Variants in PDS5B observed in about 807,000 individuals in gnomAD.
The protein encoded by PDS5B is sister chromatid cohesion protein PDS5 homolog B.
In PDS5B, 51 loss-of-function variants were observed where a neutral mutation model predicts 184.1. That is an observed-to-expected ratio of 0.28 (90% CI 0.22 to 0.35). The LOEUF is 0.35. PDS5B is among the 10% of genes least tolerant of loss of function. PDS5B has a pLI of 1.00. For synonymous variants in PDS5B, 566 were observed against 569.2 expected (o/e 0.99, Z 0.08); for missense variants, 1,180 against 1,723.3 (o/e 0.68, Z 5.58).
intron 19 of PDS5B, among the ~76,000 whole-genome samples, chr13:32,716,153 G>A (rs1307030462): frequency 6.7e-6 from 1 of 148,328 alleles, no homozygotes; most frequent in Admixed American, 6.7e-5. Flanking sequence ...CCTCTGCCTG[G>A]CTGCCCAGTC....
intron 1 of PDS5B, among the ~76,000 whole-genome samples, chr13:32,606,120 C>T: frequency 6.6e-6 from 1 of 152,148 alleles, no homozygotes; most frequent in South Asian, 2.1e-4. Context: ...ATGATGTTAG[C>T]TGGTTATTTT....
At chr13:32,734,665 A>G (rs918079649) in intron 20 of PDS5B, among the ~76,000 whole-genome samples, 3 of 152,284 alleles carry the variant, frequency 2.0e-5, no homozygotes, top group Admixed American at 2.0e-4. Context: ...CAGTGAGTAG[A>G]GCCTGTGGAG....
chr13:32,696,142 T>C (rs1321896923), intron 14 of PDS5B, among the ~76,000 whole-genome samples: 1 of 152,118 alleles, frequency 6.6e-6, no homozygotes, highest in Non-Finnish European at 1.5e-5. Context: ...TCATTCTCAA[T>C]AGGGATGGTC....
chr13:32,678,173 A>G (rs554347035), intron 9 of PDS5B, among the ~76,000 whole-genome samples: 33 of 152,350 alleles, frequency 2.2e-4, no homozygotes, highest in Non-Finnish European at 3.8e-4. Context: ...CAGTTGCTCT[A>G]GCAAATTACA....
intron 1 of PDS5B, among the ~76,000 whole-genome samples, chr13:32,628,526 C>T (rs1419017674): frequency 3.4e-5 from 5 of 145,458 alleles, no homozygotes; most frequent in African/African-American, 5.1e-5. Context: ...CCAGTCTGGG[C>T]GACACAGAGA....
rs990154260 is a variant in PDS5B, at chr13:32,687,939, A to G, written c.1356-517A>G. Reference sequence around the variant, plus strand: ...ATAGATACTAAAAACTGGATTATCTATGAAACTTTATAGTTGTTTTTATAA... The same window carrying G: ...ATAGATACTAAAAACTGGATTATCTGTGAAACTTTATAGTTGTTTTTATAA... On this transcript the variant is annotated intron_variant, in intron 12 of 34. Coordinates refer to ENST00000315596, the MANE Select transcript of PDS5B (RefSeq NM_015032.4). Among the ~76,000 whole-genome samples the G allele has an allele frequency of 8.5e-5, 13 of 152,306 alleles. No homozygotes were observed. In the East Asian group the frequency reaches 2.3e-3, roughly 27 times the overall value.
intron 1 of PDS5B, among the ~76,000 whole-genome samples, chr13:32,639,537 C>T (rs1295477371): frequency 6.6e-6 from 1 of 152,104 alleles, no homozygotes; most frequent in African/African-American, 2.4e-5. Flanking sequence ...AATATGTAAA[C>T]AGGGCTTTCA....
At chr13:32,655,369 TATA>T (rs1313516232) in intron 3 of PDS5B, among the ~76,000 whole-genome samples, 4 of 39,898 alleles carry the variant, frequency 1.0e-4, no homozygotes, top group African/African-American at 4.0e-4. Context: ...CATATATATA[TATA>T]TATTTTTTTT....
intron 1 of PDS5B, among the ~76,000 whole-genome samples, chr13:32,587,117 C>T (rs1382885833): frequency 1.3e-5 from 2 of 148,380 alleles, no homozygotes; most frequent in East Asian, 2.0e-4. Context: ...GCTTCTCCCC[C>T]TTCCGGGCGA....
At chr13:32,745,827 A>T in intron 23 of PDS5B, 150 bp from the exon 24 acceptor site, 1 of 642,518 alleles carries the variant, frequency 1.6e-6, no homozygotes. Flanking sequence ...TTGCATTTCA[A>T]CATAGGAATT....
At chr13:32,621,963 A>G (rs758187250) in intron 1 of PDS5B, among the ~76,000 whole-genome samples, 7 of 151,934 alleles carry the variant, frequency 4.6e-5, no homozygotes, top group Admixed American at 1.3e-4. Flanking sequence ...TTCTTTCAAT[A>G]TTTCTTTTAA....
chr13:32,773,209 A>G lies in PDS5B; in HGVS notation c.4193A>G (p.Gln1398Arg), dbSNP rs760458324. 1 of 1,612,564 alleles carries G rather than the reference A, an allele frequency of 6.2e-7. No homozygotes were observed. Among genetic ancestry groups the G allele is most frequent in the Non-Finnish European group, 8.5e-7 (1 of 1,179,406 alleles). Residue 1398 changes from glutamine (Q) to arginine (R), a missense_variant, in exon 34 of 35, where the codon CAA (glutamine) becomes CGA (arginine). Around this residue, in one of 11 missense-constraint regions of PDS5B, gnomAD observed 465 missense variants for 497.8 expected, o/e 0.93. Coordinates refer to ENST00000315596, the MANE Select transcript of PDS5B (RefSeq NM_015032.4). Reference sequence around the variant, plus strand: ...TCTAGCCGTGTAGGACGCTCCAAACAAGCAGCTACTAAGGAAAATGATTCA... The same window carrying G: ...TCTAGCCGTGTAGGACGCTCCAAACGAGCAGCTACTAAGGAAAATGATTCA... Reference protein sequence around the residue: ...KKNVRVGRSKQAATKENDSSE... With the variant: ...KKNVRVGRSKRAATKENDSSE...
chr13:32,590,482 A>G (rs2057757461), intron 1 of PDS5B, among the ~76,000 whole-genome samples: 1 of 152,194 alleles, frequency 6.6e-6, no homozygotes, highest in South Asian at 2.1e-4. Context: ...CCGAAGGAGC[A>G]GGCCCTCCTT....
intron 6 of PDS5B, among the ~76,000 whole-genome samples, chr13:32,662,135 G>A (rs7326809): frequency 0.38 from 58,087 of 151,852 alleles, 11,572 homozygotes; most frequent in Non-Finnish European, 0.44. Flanking sequence ...AAAAGGATGG[G>A]AAAAGTACTT....
chr13:32,633,007 C>T (rs947153544), intron 1 of PDS5B, among the ~76,000 whole-genome samples: 5 of 152,138 alleles, frequency 3.3e-5, no homozygotes, highest in African/African-American at 1.2e-4. Context: ...AGAATTTAAG[C>T]TCTGATAAGT....
At chr13:32,748,727 A>G (rs923012814) in intron 24 of PDS5B, among the ~76,000 whole-genome samples, 1 of 151,976 alleles carries the variant, frequency 6.6e-6, no homozygotes, top group African/African-American at 2.4e-5. Context: ...TAAGTGTTAA[A>G]TATAGTAGTT....
chr13:32,641,267 A>G (rs1056725801), intron 1 of PDS5B, among the ~76,000 whole-genome samples: 8 of 152,112 alleles, frequency 5.3e-5, no homozygotes, highest in African/African-American at 1.7e-4. Context: ...CTGTTTAAGG[A>G]GCAGCTCTGT....
At chr13:32,746,744 C>T (rs1219203134) in intron 24 of PDS5B, among the ~76,000 whole-genome samples, 1 of 152,170 alleles carries the variant, frequency 6.6e-6, no homozygotes, top group African/African-American at 2.4e-5. Flanking sequence ...CGTATGAAAG[C>T]TGAAACAAGA....
chr13:32,711,237 G>A (rs912419434), intron 19 of PDS5B, among the ~76,000 whole-genome samples: 1 of 152,030 alleles, frequency 6.6e-6, no homozygotes, highest in South Asian at 2.1e-4. Context: ...TCACCTGCCC[G>A]CCTCAGCCTC....
Sources: allele counts gnomAD v4.1 joint callset (sites outside exome capture counted in the v4.1 genomes callset), GRCh38; gene constraint gnomAD v4.1.1; regional missense constraint gnomAD v4.1.1; transcripts MANE v1.5; gene names NCBI Gene and HGNC (gene_info 2026-07-23, HGNC 2026-07-21).